CAMTA1: variants seen among roughly 807,000 people sequenced by gnomAD.
CAMTA1 encodes the protein calmodulin binding transcription activator 1.
In CAMTA1, 27 loss-of-function variants were observed where a neutral mutation model predicts 170.9. The ratio of observed to expected loss-of-function variants is 0.16; its 90% confidence interval spans 0.12 to 0.22. The LOEUF is 0.22. CAMTA1 is among the 10% of genes least tolerant of loss of function. The pLI is 1.00. For missense variants in CAMTA1, 1,619 were observed against 2,217.2 expected (o/e 0.73, Z 5.42); for synonymous variants, 833 against 891.5 (o/e 0.93, Z 1.17).
Position 7,049,763 on chromosome 1 carries a change from C to T in CAMTA1, c.235-41541C>T, listed in dbSNP as rs1408820597. Among the ~76,000 whole-genome samples the T allele has an allele frequency of 2.0e-5, 3 of 152,190 alleles. No individual in the cohort carries two copies. The East Asian group carries it at 5.8e-4, about 29-fold the overall frequency. ...TGCAAGAGATTACATGCCTGGCTCTCTTGGTTTTAAAGAAACAGCAGCTAT... is the reference window on the plus strand; with the variant it reads ...TGCAAGAGATTACATGCCTGGCTCTTTTGGTTTTAAAGAAACAGCAGCTAT... On this transcript the variant is annotated intron_variant, in intron 3 of 22. Transcript: ENST00000303635.
chr1:7,704,629 G>A (rs2096486423), intron 11 of CAMTA1, among the ~76,000 whole-genome samples: 1 of 148,876 alleles, frequency 6.7e-6, no homozygotes, highest in East Asian at 2.0e-4. Context: ...CGCATCCTCC[G>A]ATTGGACCAC....
At chr1:7,485,601 C>A (rs2093607323) in intron 6 of CAMTA1, among the ~76,000 whole-genome samples, 2 of 152,176 alleles carry the variant, frequency 1.3e-5, no homozygotes, top group African/African-American at 4.8e-5. Context: ...CTGCTGGGAC[C>A]CTGCCAGGCT....
intron 3 of CAMTA1, among the ~76,000 whole-genome samples, chr1:6,984,106 AT>A (rs1694953246): frequency 1.4e-5 from 1 of 69,596 alleles, no homozygotes; most frequent in Non-Finnish European, 3.1e-5. Flanking sequence ...GGGTGAATAG[AT>A]GGGTTGGTAG....
intron 6 of CAMTA1, among the ~76,000 whole-genome samples, chr1:7,632,992 G>A (rs2095682537): frequency 6.6e-6 from 1 of 152,222 alleles, no homozygotes; most frequent in African/African-American, 2.4e-5. Context: ...TGGGGGCCAG[G>A]CCCGTCCTGA....
chr1:6,911,876 G>A (rs2149273542), intron 3 of CAMTA1, among the ~76,000 whole-genome samples: 1 of 152,364 alleles, frequency 6.6e-6, no homozygotes, highest in African/African-American at 2.4e-5. Context: ...CACACTGAGG[G>A]CACAGGAGAT....
Position 7,220,297 on chromosome 1 carries a change from G to A in CAMTA1, c.303-29194G>A, listed in dbSNP as rs369095519. ...AATTATTATAGTAGAGAAATCCCAG[G>A]CCTCCTCGAAGGACAGGGAAAACCT... On this transcript the variant is annotated intron_variant, in intron 4 of 22. Transcript: ENST00000303635. Among the ~76,000 whole-genome samples the A allele has an allele frequency of 2.3e-4, 35 of 152,286 alleles. No homozygotes were observed. The South Asian group carries it at 7.1e-3, about 31-fold the overall frequency.
chr1:7,572,921 C>G (rs991846268), intron 6 of CAMTA1, among the ~76,000 whole-genome samples: 2 of 152,238 alleles, frequency 1.3e-5, no homozygotes, highest in Admixed American at 1.3e-4. Context: ...ACAGCCACCC[C>G]CTTGCCCATC....
At chr1:7,484,809 C>T (rs2093595643) in intron 6 of CAMTA1, among the ~76,000 whole-genome samples, 1 of 151,984 alleles carries the variant, frequency 6.6e-6, no homozygotes, top group Non-Finnish European at 1.5e-5. Flanking sequence ...AAAATCGTGG[C>T]TGTTGTCATG....
chr1:6,826,376 G>C (rs1359708543), intron 3 of CAMTA1, among the ~76,000 whole-genome samples: 1 of 152,194 alleles, frequency 6.6e-6, no homozygotes, highest in Non-Finnish European at 1.5e-5. Flanking sequence ...ATGTTTGCTA[G>C]TTTAGAGGCC....
chr1:7,718,598 C>T (rs1053847937), intron 11 of CAMTA1, among the ~76,000 whole-genome samples: 1 of 149,856 alleles, frequency 6.7e-6, no homozygotes, highest in Non-Finnish European at 1.5e-5. Context: ...GCTCTGTCAC[C>T]CAGGCTGGAG....
In CAMTA1 at chr1:7,737,530, A is replaced by T. The variant is rs1057341659; in HGVS notation, c.3618A>T (p.Glu1206Asp). 6.2e-7 allele frequency: 1 copy of T among 1,613,908 alleles called. No homozygotes were observed. The highest frequency in any genetic ancestry group is 8.5e-7 in the Non-Finnish European group (1 of 1,179,906). ...QWHSEAISSP[E>D]IPKGVTVIAS... The stretch of plus-strand genomic sequence containing the variant: ...ACAGCGAAGCCATCAGCTCTCCAGA[A>T]ATACCCAAGGGAGTCACTGTTATTG... The change falls in exon 15 of 23, where the codon GAA becomes GAT. Residue 1206 changes from glutamate (E) to aspartate (D), a missense_variant. Glu to Asp is a conservative substitution (Grantham distance 45). Coordinates refer to ENST00000303635, the MANE Select transcript of CAMTA1 (RefSeq NM_015215.4).
rs2095107864 is a variant in CAMTA1, at chr1:7,570,121, T to C, written c.511-70279T>C. ...GTCTTGCTTAATTCTACCGAGACCT[T>C]GGGTGGGAGATCAGGGATCCCTTGC... On this transcript the variant is annotated intron_variant, in intron 6 of 22. Coordinates refer to ENST00000303635, the MANE Select transcript of CAMTA1 (RefSeq NM_015215.4). This position sits in a 1 kb window ranked among gnomAD's most constrained non-coding sequence, Gnocchi z 4.3. 6.6e-6 allele frequency among the ~76,000 whole-genome samples: 1 copy of C among 151,894 alleles called. No individual in the cohort carries two copies. The highest frequency in any genetic ancestry group is 2.4e-5 in the African/African-American group (1 of 41,346).
chr1:6,942,271 T>C (rs1000963354), intron 3 of CAMTA1, among the ~76,000 whole-genome samples: 7 of 152,194 alleles, frequency 4.6e-5, no homozygotes, highest in Non-Finnish European at 8.8e-5. Context: ...AATATTACAG[T>C]GACATTAACC....
chr1:7,203,863 A>G (rs6669999), intron 4 of CAMTA1, among the ~76,000 whole-genome samples: 91,946 of 145,406 alleles, frequency 0.63, 29,372 homozygotes, highest in African/African-American at 0.73. Flanking sequence ...ACGGAGTCTC[A>G]CTCTGTCGCC....
intron 3 of CAMTA1, among the ~76,000 whole-genome samples, chr1:7,003,967 C>T (rs185965957): frequency 6.6e-6 from 1 of 152,312 alleles, no homozygotes; most frequent in East Asian, 1.9e-4. Flanking sequence ...TGCTGTGCCT[C>T]TCGAAGGTGT....
chr1:6,985,740 T>C (rs954082337), intron 3 of CAMTA1, among the ~76,000 whole-genome samples: 1 of 152,222 alleles, frequency 6.6e-6, no homozygotes, highest in Non-Finnish European at 1.5e-5. Context: ...GGAGGATTGA[T>C]GTACAGTGGG....
chr1:7,046,951 T>C (rs146588353), intron 3 of CAMTA1, among the ~76,000 whole-genome samples: 1 of 152,220 alleles, frequency 6.6e-6, no homozygotes, highest in Non-Finnish European at 1.5e-5. Flanking sequence ...ATTTCTGTTT[T>C]TCCTCCTGGG....
Position 7,755,681 on chromosome 1 carries a change from G to T in CAMTA1, c.4989+13G>T. ...GCTGTACAAAAGGGTGAGTTTAGCT[G>T]CCTGCTAGCCAGTTTCTCTTCTCTT... On this transcript the variant is annotated intron_variant, in intron 22 of 22. Transcript: ENST00000303635. 1 of 1,613,080 alleles carries T rather than the reference G, an allele frequency of 6.2e-7. No individual in the cohort carries two copies. The highest frequency in any genetic ancestry group is 8.5e-7 in the Non-Finnish European group (1 of 1,179,078).
chr1:6,927,049 A>T (rs956232701), intron 3 of CAMTA1, among the ~76,000 whole-genome samples: 36 of 149,180 alleles, frequency 2.4e-4, no homozygotes, highest in African/African-American at 6.4e-4. Flanking sequence ...CTCGGTGATT[A>T]TTTTTTTTTT....
Sources: gnomAD v4.1 joint callset for allele counts (sites outside exome capture counted in the v4.1 genomes callset) on GRCh38, gnomAD v4.1.1 for gene constraint, Gnocchi (gnomAD v3.1) non-coding constraint, MANE v1.5 for transcripts, NCBI Gene and HGNC (gene_info 2026-07-23, HGNC 2026-07-21) for gene names.